The following BACH2 variants were observed in gnomAD, a reference collection of about 807,000 sequenced individuals.
The protein encoded by BACH2 is transcription regulator protein BACH2.
Under a neutral mutation model 61.8 loss-of-function variants are expected in BACH2, and 5 were observed. The ratio of observed to expected loss-of-function variants is 0.08; its 90% CI spans 0.04 to 0.17. BACH2 has a LOEUF of 0.17. Among genes scored for constraint, BACH2 ranks in the 10% least tolerant of loss-of-function variants. The pLI, the probability that BACH2 is intolerant of heterozygous loss-of-function variation, is 1.00. For missense variants in BACH2, 824 were observed against 1,091.1 expected (o/e 0.76, Z 3.45); for synonymous variants, 446 against 440.1 (o/e 1.01, Z -0.17).
At chr6:90,031,575 G>A (rs1381820090) in intron 5 of BACH2, among the ~76,000 whole-genome samples, 1 of 152,108 alleles carries the variant, frequency 6.6e-6, no homozygotes, top group African/African-American at 2.4e-5. Flanking sequence ...CAAACAGAGA[G>A]CCAAATCATG....
intron 5 of BACH2, among the ~76,000 whole-genome samples, chr6:90,027,932 A>AT (rs1778718456): frequency 6.6e-6 from 1 of 152,192 alleles, no homozygotes; most frequent in South Asian, 2.1e-4. Context: ...AATTTCTTAT[A>AT]TTGAGGCAAA....
At chr6:90,166,826 T>C (rs1767638058) in intron 4 of BACH2, among the ~76,000 whole-genome samples, 1 of 146,190 alleles carries the variant, frequency 6.8e-6, no homozygotes, top group Admixed American at 7.1e-5. Flanking sequence ...AAACACCACA[T>C]GTTCTCACTC....
At chr6:89,960,223 T>C (rs552811292) in intron 6 of BACH2, among the ~76,000 whole-genome samples, 1 of 152,356 alleles carries the variant, frequency 6.6e-6, no homozygotes, top group African/African-American at 2.4e-5. Flanking sequence ...ATAGCCCCTC[T>C]ATTTGAAACA....
chr6:90,142,034 T>C lies in BACH2; in HGVS notation c.-161-52925A>G, dbSNP rs116579706. Among the ~76,000 whole-genome samples the C allele has an allele frequency of 5.2e-3, 788 of 152,328 alleles. 12 individuals are homozygous for C. Among genetic ancestry groups the C allele is most frequent in the African/African-American group, 0.018 (744 of 41,570 alleles). ...GGTCGAGGTTATAAGTGAGCTGAGA[T>C]TGCACCACTGCACTTCATCCTGGGT... On this transcript the variant is annotated intron_variant, in intron 4 of 8. Transcript: ENST00000257749.
intron 6 of BACH2, among the ~76,000 whole-genome samples, chr6:89,974,249 C>T (rs766371038): frequency 1.3e-5 from 2 of 152,282 alleles, no homozygotes; most frequent in African/African-American, 2.4e-5. Flanking sequence ...AACCTTTTGG[C>T]AAGTTAATTA....
intron 7 of BACH2, among the ~76,000 whole-genome samples, chr6:89,943,261 G>C (rs1773542693): frequency 6.6e-6 from 1 of 152,130 alleles, no homozygotes; most frequent in South Asian, 2.1e-4. Context: ...AGGGGAGGCT[G>C]TAGGCTGGGC....
At chr6:90,127,364 G>A (rs1783898233) in intron 4 of BACH2, among the ~76,000 whole-genome samples, 1 of 152,186 alleles carries the variant, frequency 6.6e-6, no homozygotes, top group Non-Finnish European at 1.5e-5. Context: ...CCCGGCCTCT[G>A]TTACAACTGG....
In BACH2 at chr6:90,271,737, T is replaced by C. The variant is rs900297513; in HGVS notation, c.-353+112A>G. On this transcript the variant is annotated intron_variant, in intron 2 of 8. Coordinates refer to ENST00000257749, the MANE Select transcript of BACH2 (RefSeq NM_021813.4). ...GACATAACTGAAAAACAAAAAATAATAGATGCTGGCGTGGATCTGGTAAAA... is the reference window on the plus strand; with the variant it reads ...GACATAACTGAAAAACAAAAAATAACAGATGCTGGCGTGGATCTGGTAAAA... 5.3e-5 allele frequency: 8 copies of C among 152,218 alleles called. No homozygotes were observed. The East Asian group carries it at 1.1e-3, about 22-fold the overall frequency. The allele number at this position is 152,218 out of a possible 1,614,324, so 9.4% of individuals were successfully genotyped here.
chr6:90,104,371 G>A (rs973552791), intron 4 of BACH2: 4 of 152,242 alleles, frequency 2.6e-5, no homozygotes, highest in Non-Finnish European at 4.4e-5. Context: ...GCCCAGAAGC[G>A]AGGTGCTCCT....
At chr6:90,088,175 TC>T (rs1782013347) in intron 5 of BACH2, among the ~76,000 whole-genome samples, 1 of 152,098 alleles carries the variant, frequency 6.6e-6, no homozygotes, top group Non-Finnish European at 1.5e-5. Flanking sequence ...GTAAATCAAA[TC>T]ACATTTAAGT....
chr6:90,070,515 C>T (rs746111671), intron 5 of BACH2, among the ~76,000 whole-genome samples: 2 of 152,184 alleles, frequency 1.3e-5, no homozygotes, highest in Non-Finnish European at 2.9e-5. Context: ...GTTGATGTCC[C>T]ACGGTCCTCC....
At chr6:90,102,654 A>G (rs1782692376) in intron 4 of BACH2, among the ~76,000 whole-genome samples, 1 of 151,710 alleles carries the variant, frequency 6.6e-6, no homozygotes, top group Non-Finnish European at 1.5e-5. Context: ...GCTGGGCATG[A>G]TGGCGGGTGC....
chr6:90,173,535 C>A (rs568000965), intron 4 of BACH2, among the ~76,000 whole-genome samples: 1 of 152,206 alleles, frequency 6.6e-6, no homozygotes, highest in South Asian at 2.1e-4. Context: ...ATAAATGAAT[C>A]TCAAAGGCAT....
chr6:89,953,331 T>C (rs754655095), intron 6 of BACH2: 1 of 152,370 alleles, frequency 6.6e-6, no homozygotes. Flanking sequence ...ACTGATTTCA[T>C]ATCATTGCAT....
At chr6:90,296,152 T>G (rs1772369415) in intron 1 of BACH2, among the ~76,000 whole-genome samples, 1 of 152,010 alleles carries the variant, frequency 6.6e-6, no homozygotes, top group Non-Finnish European at 1.5e-5. Flanking sequence ...CTTATTACTC[T>G]CTGCTCCTCC....
intron 4 of BACH2, among the ~76,000 whole-genome samples, chr6:90,128,825 A>G (rs1208200124): frequency 6.6e-6 from 1 of 152,218 alleles, no homozygotes; most frequent in Non-Finnish European, 1.5e-5. Context: ...ATGTCCAACA[A>G]TGGTAGACTG....
intron 4 of BACH2, among the ~76,000 whole-genome samples, chr6:90,144,787 GT>G (rs1256340501): frequency 6.6e-6 from 1 of 152,098 alleles, no homozygotes; most frequent in Non-Finnish European, 1.5e-5. Flanking sequence ...TACAATGCAG[GT>G]GAGTAAACAC....
intron 1 of BACH2, among the ~76,000 whole-genome samples, chr6:90,282,337 C>T (rs980270170): frequency 1.3e-5 from 2 of 151,814 alleles, no homozygotes; most frequent in South Asian, 2.1e-4. Flanking sequence ...TCTCAGTGTC[C>T]GTTGTTCCCC....
intron 6 of BACH2, among the ~76,000 whole-genome samples, chr6:90,006,835 C>G (rs1255807440): frequency 2.6e-5 from 4 of 152,028 alleles, no homozygotes; most frequent in African/African-American, 9.7e-5. Flanking sequence ...CCAAGACAGT[C>G]TTGAACTCCT....
Sources: gnomAD v4.1 joint callset for allele counts (sites outside exome capture counted in the v4.1 genomes callset) on GRCh38, gnomAD v4.1.1 for gene constraint, MANE v1.5 for transcripts, NCBI Gene and HGNC (gene_info 2026-07-23, HGNC 2026-07-21) for gene names.